The following NPHP4 variants were observed in gnomAD, a reference collection of about 807,000 sequenced individuals.
NPHP4 encodes the protein nephrocystin-4.
In NPHP4, 151 loss-of-function variants were observed where a neutral mutation model predicts 155.8. The observed-to-expected ratio is 0.97, with a 90% CI of 0.85 to 1.11. The LOEUF (loss-of-function observed/expected upper bound fraction) is 1.11, where lower values mean the gene tolerates loss of function less well. Ranked by LOEUF, NPHP4 falls within the 50% of genes least tolerant of loss-of-function variation. The probability of loss-of-function intolerance (pLI) is 0.00; values close to 1 mark genes in which losing one functional copy is unlikely to be tolerated. For synonymous variants in NPHP4, 845 were observed against 816.8 expected (o/e 1.03, Z -0.59); for missense variants, 1,956 against 1,925.7 (o/e 1.02, Z -0.29).
At position 5,914,286 on chromosome 1, in the gene NPHP4, A is replaced by AAAAAAAAAAAAAAAAAAAAAAG. The variant is rs70977991; in HGVS notation, c.1442-5074_1442-5073insCTTTTTTTTTTTTTTTTTTTTT. Among the ~76,000 whole-genome samples the AAAAAAAAAAAAAAAAAAAAAAG allele has an allele frequency of 5.7e-5, 8 of 139,872 alleles. 1 individual carries two copies. Among genetic ancestry groups the AAAAAAAAAAAAAAAAAAAAAAG allele is most frequent in the African/African-American group, 2.1e-4 (7 of 33,882 alleles). 91.8% of individuals were successfully genotyped at this position (139,872 alleles called of 152,430 possible). On this transcript the variant is annotated intron_variant, in intron 11 of 29. Transcript: ENST00000378156. Reference sequence around the variant, plus strand: ...AAAAAAAAAAAAAAAAAAAAAAAAAAGGCCTGGTGTGGTGGCATGCACCTG... The same window carrying AAAAAAAAAAAAAAAAAAAAAAG: ...AAAAAAAAAAAAAAAAAAAAAAAAAAAAAAAAAAAAAAAAAAAAAAAGGGCCTGGTGTGGTGGCATGCACCTG...
chr1:5,980,767 G>C (rs1318709512), intron 2 of NPHP4, among the ~76,000 whole-genome samples: 1 of 152,204 alleles, frequency 6.6e-6, no homozygotes, highest in Non-Finnish European at 1.5e-5. Flanking sequence ...GAAGCAACGT[G>C]GAGGGAGGTG....
intron 23 of NPHP4, 96 bp downstream of exon 23, chr1:5,873,156 C>T (rs1642182714): frequency 2.7e-6 from 3 of 1,111,996 alleles, no homozygotes; most frequent in East Asian, 2.5e-5. Context: ...CTGGCCCCAG[C>T]CCTCCCCTCC....
rs1219449336 is a variant in NPHP4, at chr1:5,885,085, G to C, written c.2485+2201C>G. Among the ~76,000 whole-genome samples the C allele has an allele frequency of 9.0e-3, 524 of 58,538 alleles. 1 individual carries two copies. Among genetic ancestry groups the C allele is most frequent in the Middle Eastern group, 0.083 (7 of 84 alleles). The allele number at this position is 58,538 out of a possible 152,430, so 38.4% of individuals were successfully genotyped here. A position where few individuals can be genotyped will look rare whatever the true frequency, so the allele number is the denominator to read the frequency against. ...CCGTCCTACTCCACAACCAAGATCAGTGCCCAAGCTCCCAGCCGAGCCCCT... is the reference window on the plus strand; with the variant it reads ...CCGTCCTACTCCACAACCAAGATCACTGCCCAAGCTCCCAGCCGAGCCCCT... On this transcript the variant is annotated intron_variant, in intron 18 of 29. Transcript: ENST00000378156.
chr1:5,938,189 G>A (rs1570531692), intron 9 of NPHP4, among the ~76,000 whole-genome samples: 1 of 152,232 alleles, frequency 6.6e-6, no homozygotes, highest in Non-Finnish European at 1.5e-5. Flanking sequence ...CAGGGCACGG[G>A]CTGAGGGCAA....
chr1:5,986,025 TG>T, intron 2 of NPHP4, 129 bp downstream of exon 2: 1 of 912,032 alleles, frequency 1.1e-6, no homozygotes, highest in Middle Eastern at 2.2e-4. Flanking sequence ...AATGGCTATA[TG>T]GGTACCACCA....
rs2100899291 is a variant in NPHP4, at chr1:5,889,620, C to T, written c.2304+1248G>A. Among the ~76,000 whole-genome samples the T allele has an allele frequency of 6.6e-6, 1 of 152,312 alleles. No homozygotes were observed. The highest frequency in any genetic ancestry group is 2.1e-4 in the South Asian group (1 of 4,824). On this transcript the variant is annotated intron_variant, in intron 17 of 29. Coordinates refer to ENST00000378156, the MANE Select transcript of NPHP4 (RefSeq NM_015102.5). This position sits in a 1 kb window ranked among gnomAD's most constrained non-coding sequence, Gnocchi z 4.2. ...CTCTGCCTCCCACACCGCCTGCCTC[C>T]TTTACGCCTCCCCACCATGCAGAGC...
Position 5,944,107 on chromosome 1 carries a change from G to A in NPHP4, c.1119+2997C>T, listed in dbSNP as rs971062950. Among the ~76,000 whole-genome samples the A allele has an allele frequency of 6.6e-6, 1 of 152,200 alleles. No homozygotes were observed. Among genetic ancestry groups the A allele is most frequent in the African/African-American group, 2.4e-5 (1 of 41,452 alleles). ...AAAATGATGCCTGGAATTTGTTTCA[G>A]AATAATTCAAAACGGGTTGTGGGAG... On this transcript the variant is annotated intron_variant, in intron 9 of 29. Coordinates refer to ENST00000378156, the MANE Select transcript of NPHP4 (RefSeq NM_015102.5). The surrounding 1 kb of genome is among the most constrained non-coding windows in gnomAD (Gnocchi z 4.3).
rs1405242591 is a variant in NPHP4, at chr1:5,961,893, G to A, written c.574C>T (p.His192Tyr). The A allele has an allele frequency of 1.2e-6, 2 of 1,613,854 alleles. No individual in the cohort carries two copies. Among genetic ancestry groups the A allele is most frequent in the Admixed American group, 3.3e-5 (2 of 60,016 alleles). Residue 192 changes from histidine to tyrosine, a missense_variant, in exon 6 of 30, where the codon CAC becomes TAC. Transcript: ENST00000378156. ...NCSLQYTLKP[H>Y]PALEPAFHLL... ...TGGAACGCAGGCTCCAGGGCCGGGT[G>A]TGGCTTCAGCGTGTACTGCAGGCTG...
chr1:5,955,507 G>A (rs1047199290), intron 6 of NPHP4, among the ~76,000 whole-genome samples: 2 of 152,160 alleles, frequency 1.3e-5, no homozygotes, highest in African/African-American at 2.4e-5. Context: ...ATGGATGAAT[G>A]CATAAAGAAA....
chr1:5,887,185 C>A (rs762759751), intron 18 of NPHP4, 101 bp downstream of exon 18: 16 of 1,120,462 alleles, frequency 1.4e-5, no homozygotes, highest in South Asian at 1.1e-4. Flanking sequence ...TCCTCCTGGG[C>A]CCGTGAAGCC....
At chr1:5,962,687 C>T (rs1192465125) in intron 5 of NPHP4, among the ~76,000 whole-genome samples, 1 of 152,144 alleles carries the variant, frequency 6.6e-6, no homozygotes, top group Admixed American at 6.5e-5. Context: ...ATCCGAACCA[C>T]GGGACAGATG....
At chr1:5,925,412 C>T (rs569986810) in intron 11 of NPHP4, among the ~76,000 whole-genome samples, 317 of 152,278 alleles carry the variant, frequency 2.1e-3, no homozygotes, top group African/African-American at 6.9e-3. Context: ...CAGTCCCCCA[C>T]GGATACCGAG....
chr1:5,923,840 G>C (rs1645865948), intron 11 of NPHP4, among the ~76,000 whole-genome samples: 1 of 152,152 alleles, frequency 6.6e-6, no homozygotes, highest in Admixed American at 6.5e-5. Flanking sequence ...TCAGTATCTG[G>C]AGCCCATCAA....
intron 1 of NPHP4, 38 bp from the exon 2 acceptor site, chr1:5,986,365 AGGG>A: frequency 6.5e-7 from 1 of 1,538,658 alleles, no homozygotes; most frequent in Non-Finnish European, 8.9e-7. Flanking sequence ...AAGAGCTGTG[AGGG>A]CTACAGTGGT....
chr1:5,879,816 AACAC>A lies in NPHP4; in HGVS notation c.2611+294_2611+297del, dbSNP rs34867257. ...ACACGCAAACACACACACACACGCA[AACAC>A]ACACACACACGCAAACACACACAGA... On this transcript the variant is annotated intron_variant, in intron 19 of 29. Transcript: ENST00000378156. Among the ~76,000 whole-genome samples, 223 of 126,296 alleles carry A rather than the reference AACAC, an allele frequency of 1.8e-3. 3 individuals are homozygous for A. Among genetic ancestry groups the A allele is most frequent in the Middle Eastern group, 4.4e-3 (1 of 226 alleles). 82.9% of individuals were successfully genotyped at this position (126,296 alleles called of 152,430 possible).
chr1:5,913,899 G>C (rs547754013), intron 11 of NPHP4, among the ~76,000 whole-genome samples: 1 of 152,306 alleles, frequency 6.6e-6, no homozygotes, highest in East Asian at 1.9e-4. Context: ...TTGTTACCCA[G>C]AGTAATAATA....
At chr1:5,924,013 C>T (rs186836809) in intron 11 of NPHP4, among the ~76,000 whole-genome samples, 8 of 152,308 alleles carry the variant, frequency 5.3e-5, no homozygotes, top group Non-Finnish European at 7.3e-5. Context: ...AGAGGAAACA[C>T]TGAACATGTT....
intron 3 of NPHP4, among the ~76,000 whole-genome samples, chr1:5,973,797 C>T (rs914300560): frequency 6.6e-6 from 1 of 152,184 alleles, no homozygotes; most frequent in Non-Finnish European, 1.5e-5. Context: ...CAGTGGTTTC[C>T]ATTGTGCCAG....
chr1:5,887,569 GT>G, intron 17 of NPHP4, 103 bp from the exon 18 acceptor site: 1 of 1,266,134 alleles, frequency 7.9e-7, no homozygotes, highest in African/African-American at 1.5e-5. Context: ...GAAAGCCACT[GT>G]GGGCGGGAGG....
Sources: allele counts gnomAD v4.1 joint callset (sites outside exome capture counted in the v4.1 genomes callset), GRCh38; gene constraint gnomAD v4.1.1; non-coding constraint Gnocchi (gnomAD v3.1); transcripts MANE v1.5; gene names NCBI Gene and HGNC (gene_info 2026-07-23, HGNC 2026-07-21).